The following PVR variants were observed in gnomAD, a reference collection of about 807,000 sequenced individuals.
The protein encoded by PVR is PVR cell adhesion molecule, also known as poliovirus receptor.
Under a neutral mutation model 43.3 loss-of-function variants are expected in PVR, and 39 were observed. The observed-to-expected ratio is 0.90, with a 90% CI of 0.70 to 1.18. The LOEUF (loss-of-function observed/expected upper bound fraction) is 1.18. Ranked by LOEUF, PVR falls within the 50% of genes most tolerant of loss-of-function variation. PVR has a pLI of 0.00. For synonymous variants in PVR, 224 were observed against 233.2 expected, an observed-to-expected ratio of 0.96 and a Z score of 0.36; for missense variants, 480 against 549.7, an observed-to-expected ratio of 0.87 and a Z score of 1.27.
chr19:44,660,728 T>C (rs764362575), intron 6 of PVR, among the ~76,000 whole-genome samples: 1 of 151,974 alleles, frequency 6.6e-6, no homozygotes, highest in African/African-American at 2.4e-5. Flanking sequence ...TTCGTTGTGT[T>C]GCCCAAGCTG....
intron 1 of PVR, 105 bp downstream of exon 1, chr19:44,644,280 G>A: frequency 3.7e-6 from 3 of 814,528 alleles, no homozygotes; most frequent in Non-Finnish European, 3.6e-6. Flanking sequence ...GCCCCGCCCG[G>A]CGCCACCCAC....
chr19:44,662,249 T>TC lies in PVR; in HGVS notation c.*438_*439insC. 5.7e-6 allele frequency: 1 copy of TC among 176,508 alleles called. No homozygotes were observed. Among genetic ancestry groups the TC allele is most frequent in the South Asian group, 1.4e-4 (1 of 7,216 alleles). 10.9% of individuals were successfully genotyped at this position (176,508 alleles called of 1,614,324 possible). A position where few individuals can be genotyped will look rare whatever the true frequency, so the allele number is the denominator to read the frequency against. ...ACCAGAGCAGCTCACTCGAGATCTT[T>TC]GTGTCCAGAGTTTTTTGTTTGTCTT... On this transcript the variant is annotated 3_prime_UTR_variant, in exon 8 of 8. Coordinates refer to ENST00000425690, the MANE Select transcript of PVR (RefSeq NM_006505.5).
At chr19:44,645,103 ATTATAGTAATAT>A (rs1973050451) in intron 1 of PVR, among the ~76,000 whole-genome samples, 1 of 92,728 alleles carries the variant, frequency 1.1e-5, no homozygotes, top group African/African-American at 4.7e-5. Context: ...TATAATATAT[ATTATAGTAATAT>A]ATAATATATT....
At position 44,662,002 on chromosome 19, in the gene PVR, A is replaced by C. The variant is rs999799303; in HGVS notation, c.*191A>C. The C allele has an allele frequency of 1.7e-6, 1 of 594,716 alleles. No homozygotes were observed. The highest frequency in any genetic ancestry group is 3.0e-6 in the Non-Finnish European group (1 of 333,382). 36.8% of individuals were successfully genotyped at this position (594,716 alleles called of 1,614,324 possible). On this transcript the variant is annotated 3_prime_UTR_variant, in exon 8 of 8. Transcript: ENST00000425690. ...GACCACCCTCCTTTCATTTGCTAGA[A>C]GGACTCACTAGACTCAGGAAAGCTG...
intron 1 of PVR, among the ~76,000 whole-genome samples, chr19:44,647,005 A>C (rs925968086): frequency 4.6e-5 from 7 of 152,230 alleles, no homozygotes; most frequent in Admixed American, 2.0e-4. Context: ...GTGAAGGAGC[A>C]CGGCCAAGTT....
chr19:44,651,844 G>T (rs979198778), intron 3 of PVR, among the ~76,000 whole-genome samples: 16 of 152,114 alleles, frequency 1.1e-4, no homozygotes, highest in African/African-American at 3.9e-4. Flanking sequence ...ATTCTCCAGC[G>T]GCCACCCCAT....
Position 44,662,403 on chromosome 19 carries a change from G to A in PVR, c.*592G>A, listed in dbSNP as rs975299352. 1 of 152,774 alleles carries A rather than the reference G, an allele frequency of 6.5e-6. No individual in the cohort carries two copies. The highest frequency in any genetic ancestry group is 2.4e-5 in the African/African-American group (1 of 41,448). The allele number at this position is 152,774 out of a possible 1,614,324, so 9.5% of individuals were successfully genotyped here. A position where few individuals can be genotyped will look rare whatever the true frequency, so the allele number is the denominator to read the frequency against. Reference sequence around the variant, plus strand: ...CCTGAGTAGCTATGACTACAGGTATGTGCCACCACGTCTGGCTAATCTTTT... The same window carrying A: ...CCTGAGTAGCTATGACTACAGGTATATGCCACCACGTCTGGCTAATCTTTT... On this transcript the variant is annotated 3_prime_UTR_variant, in exon 8 of 8. Coordinates refer to ENST00000425690, the MANE Select transcript of PVR (RefSeq NM_006505.5).
Position 44,644,079 on chromosome 19 carries a change from C to A in PVR, c.-18C>A, listed in dbSNP as rs1973002341. On this transcript the variant is annotated 5_prime_UTR_variant, in exon 1 of 8. The change creates a new upstream start codon in the 5' untranslated region. Coordinates refer to ENST00000425690, the MANE Select transcript of PVR (RefSeq NM_006505.5). Reference sequence around the variant, plus strand: ...GAGGAGACGCCCGCGGGAGGCCCAGCTGCTCGGAGCAACTGGCATGGCCCG... The same window carrying A: ...GAGGAGACGCCCGCGGGAGGCCCAGATGCTCGGAGCAACTGGCATGGCCCG... 2 of 1,504,344 alleles carry A rather than the reference C, an allele frequency of 1.3e-6. No homozygotes were observed. The highest frequency in any genetic ancestry group is 4.2e-5 in the Admixed American group (2 of 47,456). The allele number at this position is 1,504,344 out of a possible 1,614,324, so 93.2% of individuals were successfully genotyped here.
At position 44,665,621 on chromosome 19, in the gene PVR, T is replaced by G. The variant is rs1599781007; in HGVS notation, c.*3810T>G. ...TGCACTCCAGCCTGGGTGACAAGAG[T>G]GAGACTCTGTCTCCAAAAAAAAAAA... On this transcript the variant is annotated 3_prime_UTR_variant, in exon 8 of 8. Transcript: ENST00000425690. The G allele has an allele frequency of 8.7e-6, 1 of 115,414 alleles. No homozygotes were observed. Among genetic ancestry groups the G allele is most frequent in the Admixed American group, 1.2e-4 (1 of 8,068 alleles). The allele number at this position is 115,414 out of a possible 1,614,324, so 7.1% of individuals were successfully genotyped here. A position where few individuals can be genotyped will look rare whatever the true frequency, so the allele number is the denominator to read the frequency against.
rs143920016 is a variant in PVR, at chr19:44,646,467, C to T, written c.80-756C>T. On this transcript the variant is annotated intron_variant, in intron 1 of 7. Coordinates refer to ENST00000425690, the MANE Select transcript of PVR (RefSeq NM_006505.5). ...GTATGTGAAACCTACGACACTGGTG[C>T]GATGAAAAAGTTCTGGGCCAGGTGC... Among the ~76,000 whole-genome samples, 9 of 152,198 alleles carry T rather than the reference C, an allele frequency of 5.9e-5. No homozygotes were observed. In the East Asian group the frequency reaches 1.7e-3, roughly 29 times the overall value.
intron 6 of PVR, 119 bp from the exon 7 acceptor site, chr19:44,661,173 C>A: frequency 1.1e-6 from 1 of 895,666 alleles, no homozygotes; most frequent in Non-Finnish European, 1.8e-6. Context: ...GAAATGGCAC[C>A]CCCATGTAAT....
intron 4 of PVR, 36 bp from the exon 5 acceptor site, chr19:44,657,726 G>A (rs1973487406): frequency 1.2e-6 from 2 of 1,611,946 alleles, no homozygotes; most frequent in East Asian, 4.5e-5. Context: ...CGGACCTGCA[G>A]CAGAGGCCAC....
rs369574113 is a variant in PVR, at chr19:44,657,746, T to G, written c.843-16T>G. 1.7e-5 allele frequency: 27 copies of G among 1,613,616 alleles called. No individual in the cohort carries two copies. The highest frequency in any genetic ancestry group is 2.7e-5 in the African/African-American group (2 of 74,884). ...CTGCAGCAGAGGCCACCTCCTCACCTTTCTGTCTCTCCCAGGACCATGGGT... is the reference window on the plus strand; with the variant it reads ...CTGCAGCAGAGGCCACCTCCTCACCGTTCTGTCTCTCCCAGGACCATGGGT... On this transcript the variant is annotated splice_polypyrimidine_tract_variant and intron_variant, in intron 4 of 7. Transcript: ENST00000425690.
intron 1 of PVR, among the ~76,000 whole-genome samples, chr19:44,645,599 G>T (rs1973095709): frequency 6.6e-6 from 1 of 150,586 alleles, no homozygotes; most frequent in African/African-American, 2.4e-5. Context: ...GAGTAGCTGG[G>T]ATTATAGGTG....
intron 3 of PVR, 105 bp downstream of exon 3, chr19:44,650,210 C>G: frequency 1.8e-6 from 2 of 1,140,942 alleles, no homozygotes; most frequent in Non-Finnish European, 2.4e-6. Flanking sequence ...CCATCATCTG[C>G]ACCGGCTCCC....
chr19:44,653,240 A>G (rs978464985), intron 3 of PVR, among the ~76,000 whole-genome samples: 2 of 152,206 alleles, frequency 1.3e-5, no homozygotes, highest in East Asian at 1.9e-4. Flanking sequence ...CATCAGTAAT[A>G]TCCACACAAG....
intron 4 of PVR, among the ~76,000 whole-genome samples, chr19:44,656,790 C>T (rs756408463): frequency 1.7e-4 from 26 of 151,838 alleles, no homozygotes; most frequent in Non-Finnish European, 3.1e-4. Context: ...GCCAACATGG[C>T]GAAACCCCAT....
rs1307953341 is a variant in PVR, at chr19:44,644,246, C to T, written c.79+71C>T. 4 of 1,246,340 alleles carry T rather than the reference C, an allele frequency of 3.2e-6. No homozygotes were observed. In the African/African-American group the frequency reaches 6.3e-5, roughly 20 times the overall value. The allele number at this position is 1,246,340 out of a possible 1,614,324, so 77.2% of individuals were successfully genotyped here. On this transcript the variant is annotated intron_variant, in intron 1 of 7. Transcript: ENST00000425690. ...CTCCGCATCCAGGCCGGGTACTCGC[C>T]CCCTTGGGTTCCCGAAGATGACGGC...
chr19:44,649,905 C>G lies in PVR; in HGVS notation c.524C>G (p.Ala175Gly). Residue 175 changes from alanine (A) to glycine (G), a missense_variant, in exon 3 of 8, where the codon GCC becomes GGC. Ala to Gly is a moderately conservative substitution (Grantham distance 60). Transcript: ENST00000425690. ...GTCTCCACAGGGGGTCGCCCGCCAG[C>G]CCAAATCACCTGGCACTCAGACCTG... Reference protein sequence around the residue: ...RCVSTGGRPPAQITWHSDLGG... With the variant: ...RCVSTGGRPPGQITWHSDLGG... 6.2e-7 allele frequency: 1 copy of G among 1,613,742 alleles called. No homozygotes were observed. The highest frequency in any genetic ancestry group is 1.7e-5 in the Admixed American group (1 of 59,968).
Sources: allele counts gnomAD v4.1 joint callset (sites outside exome capture counted in the v4.1 genomes callset), GRCh38; gene constraint gnomAD v4.1.1; transcripts MANE v1.5; gene names NCBI Gene and HGNC (gene_info 2026-07-23, HGNC 2026-07-21).